The following CSMD3 variants were observed in gnomAD, a reference collection of about 807,000 sequenced individuals.
CSMD3 encodes CUB and sushi domain-containing protein 3.
A neutral mutation model predicts 435.2 loss-of-function variants in CSMD3; 177 were observed. The observed-to-expected ratio is 0.41, with a 90% CI of 0.36 to 0.46. The LOEUF (loss-of-function observed/expected upper bound fraction) is 0.46. CSMD3 is among the 20% of genes least tolerant of loss of function. The probability of loss-of-function intolerance (pLI) is 0.34; values close to 1 mark genes in which losing one functional copy is unlikely to be tolerated. For missense variants in CSMD3, 4,265 were observed against 4,504.6 expected (o/e 0.95, Z 1.52); for synonymous variants, 1,656 against 1,520.5 (o/e 1.09, Z -2.07).
chr8:112,830,836 G>C (rs56165291), intron 11 of CSMD3, among the ~76,000 whole-genome samples: 1 of 146,280 alleles, frequency 6.8e-6, no homozygotes, highest in African/African-American at 2.6e-5. Context: ...ACTCAGGCTA[G>C]AGTGCACTGG....
chr8:113,335,945 A>T (rs974883007), intron 1 of CSMD3, among the ~76,000 whole-genome samples: 1 of 151,924 alleles, frequency 6.6e-6, no homozygotes, highest in South Asian at 2.1e-4. Flanking sequence ...CAGTTTTTGC[A>T]ATCTGTAGGT....
In CSMD3 at chr8:112,554,567, A is replaced by G. The variant is rs185341913; in HGVS notation, c.4235-1847T>C. 3.6e-3 allele frequency among the ~76,000 whole-genome samples: 542 copies of G among 152,056 alleles called. 2 individuals carry two copies. Among genetic ancestry groups the G allele is most frequent in the African/African-American group, 0.013 (520 of 41,544 alleles). ...CTTCTTGATTAATTTATAGTCAATT[A>G]GAGAATTTTGCACTATATTGCATCT... On this transcript the variant is annotated intron_variant, in intron 25 of 70. Coordinates refer to ENST00000297405, the MANE Select transcript of CSMD3 (RefSeq NM_198123.2).
intron 13 of CSMD3, among the ~76,000 whole-genome samples, chr8:112,747,962 CAA>C (rs71309788): frequency 0.17 from 16,202 of 95,376 alleles, 480 homozygotes; most frequent in Non-Finnish European, 0.24. Flanking sequence ...GACTCCGTCT[CAA>C]AAAAAAAAAA....
chr8:113,432,762 C>T (rs558479859), intron 1 of CSMD3, among the ~76,000 whole-genome samples: 1 of 152,324 alleles, frequency 6.6e-6, no homozygotes, highest in Non-Finnish European at 1.5e-5. Context: ...GCTTCCTCCG[C>T]ACTTCTACTT....
At chr8:112,835,239 G>C (rs1334103697) in intron 11 of CSMD3, among the ~76,000 whole-genome samples, 1 of 151,874 alleles carries the variant, frequency 6.6e-6, no homozygotes, top group East Asian at 1.9e-4. Flanking sequence ...TTTGTTAAAA[G>C]TGGTACAGAA....
At chr8:113,286,140 G>T (rs960931236) in intron 2 of CSMD3, among the ~76,000 whole-genome samples, 5 of 151,924 alleles carry the variant, frequency 3.3e-5, no homozygotes, top group Middle Eastern at 3.4e-3. Context: ...TGTTTTACTA[G>T]ACAAGAAACT....
At chr8:112,784,927 C>T (rs2078498288) in intron 13 of CSMD3, among the ~76,000 whole-genome samples, 1 of 151,876 alleles carries the variant, frequency 6.6e-6, no homozygotes, top group South Asian at 2.1e-4. Context: ...ACAATAGTAT[C>T]CTGATATCAA....
At chr8:112,734,270 A>G (rs1377080815) in intron 13 of CSMD3, among the ~76,000 whole-genome samples, 1 of 151,596 alleles carries the variant, frequency 6.6e-6, no homozygotes, top group African/African-American at 2.4e-5. Context: ...AGAAAGGGAG[A>G]GAGGAAGGGA....
At chr8:112,354,960 A>G (rs1563832467) in intron 38 of CSMD3, among the ~76,000 whole-genome samples, 1 of 152,324 alleles carries the variant, frequency 6.6e-6, no homozygotes, top group South Asian at 2.1e-4. Flanking sequence ...CTATACTACA[A>G]GGCTATGGTA....
intron 3 of CSMD3, among the ~76,000 whole-genome samples, chr8:113,178,883 C>T (rs911889424): frequency 1.3e-5 from 2 of 151,802 alleles, no homozygotes; most frequent in East Asian, 1.9e-4. Context: ...GATGTATATC[C>T]TTTTCATAGG....
At chr8:112,529,341 T>C (rs1313023968) in intron 27 of CSMD3, among the ~76,000 whole-genome samples, 1 of 152,128 alleles carries the variant, frequency 6.6e-6, no homozygotes, top group African/African-American at 2.4e-5. Flanking sequence ...CTCACACCTA[T>C]AATCCTAGCA....
chr8:112,490,495 G>A (rs989152328), intron 31 of CSMD3, among the ~76,000 whole-genome samples: 2 of 152,058 alleles, frequency 1.3e-5, no homozygotes, highest in Non-Finnish European at 2.9e-5. Flanking sequence ...TATATTAGGT[G>A]GGCATATTCT....
intron 3 of CSMD3, among the ~76,000 whole-genome samples, chr8:113,202,397 G>T (rs2092724260): frequency 6.6e-6 from 1 of 152,002 alleles, no homozygotes; most frequent in Non-Finnish European, 1.5e-5. Context: ...TTTAAAAACT[G>T]AATGAGGTTC....
At chr8:112,526,706 C>T (rs930885736) in intron 27 of CSMD3, among the ~76,000 whole-genome samples, 3 of 151,628 alleles carry the variant, frequency 2.0e-5, no homozygotes, top group Non-Finnish European at 4.4e-5. Context: ...TAATTTGTGG[C>T]CTTTGCTCAC....
intron 12 of CSMD3, among the ~76,000 whole-genome samples, chr8:112,801,355 T>C (rs1484244185): frequency 2.6e-5 from 4 of 152,022 alleles, no homozygotes; most frequent in Non-Finnish European, 4.4e-5. Context: ...TAGTCAACTA[T>C]TAAAACAAAC....
intron 23 of CSMD3, among the ~76,000 whole-genome samples, chr8:112,583,346 G>A (rs1830476256): frequency 6.6e-6 from 1 of 151,778 alleles, no homozygotes; most frequent in Admixed American, 6.6e-5. Context: ...AAATAGTTGA[G>A]AGATCATTTA....
chr8:113,001,360 G>A (rs6995931), intron 6 of CSMD3, among the ~76,000 whole-genome samples: 1,575 of 152,062 alleles, frequency 0.01, 22 homozygotes, highest in African/African-American at 0.036. Flanking sequence ...AGCCACATGG[G>A]CATTTTTAGG....
intron 6 of CSMD3, among the ~76,000 whole-genome samples, chr8:112,981,616 T>C (rs953586913): frequency 6.6e-6 from 1 of 151,648 alleles, no homozygotes; most frequent in Non-Finnish European, 1.5e-5. Context: ...CTGAAACTGA[T>C]GATAGTAAGA....
rs796393150 is a variant in CSMD3, at chr8:112,503,764, T to C, written c.5083+26A>G. 5.3e-6 allele frequency: 8 copies of C among 1,501,396 alleles called. No homozygotes were observed. In the African/African-American group the frequency reaches 6.9e-5, roughly 13 times the overall value. The allele number at this position is 1,501,396 out of a possible 1,614,324, so 93.0% of individuals were successfully genotyped here. A position where few individuals can be genotyped will look rare whatever the true frequency, so the allele number is the denominator to read the frequency against. On this transcript the variant is annotated intron_variant, in intron 30 of 70. Coordinates refer to ENST00000297405, the MANE Select transcript of CSMD3 (RefSeq NM_198123.2). ...AAAATATCTATAATTTAAATCATGA[T>C]ACTAACATGGAATGTTCATATTTAC... is the stretch of plus-strand genomic sequence containing the variant.
Sources: gnomAD v4.1 joint callset for allele counts (sites outside exome capture counted in the v4.1 genomes callset) on GRCh38, gnomAD v4.1.1 for gene constraint, MANE v1.5 for transcripts, NCBI Gene and HGNC (gene_info 2026-07-23, HGNC 2026-07-21) for gene names.